RFESD: variants seen among roughly 807,000 people sequenced by gnomAD.
The protein encoded by RFESD is Rieske Fe-S domain containing, also known as Rieske domain-containing protein.
Under a neutral mutation model 24.4 loss-of-function variants are expected in RFESD, and 16 were observed. The ratio of observed to expected loss-of-function variants is 0.66; its 90% CI spans 0.44 to 1.00. The LOEUF is 1.00. Among genes scored for constraint, RFESD ranks in the 50% least tolerant of loss-of-function variants. RFESD has a pLI of 0.00. For synonymous variants in RFESD, 59 were observed against 81.8 expected (o/e 0.72, Z 1.50); for missense variants, 208 against 247.0 (o/e 0.84, Z 1.06).
intron 3 of RFESD, 88 bp from the exon 4 acceptor site, chr5:95,653,973 G>T: frequency 9.5e-7 from 1 of 1,049,688 alleles, no homozygotes; most frequent in Non-Finnish European, 1.4e-6. Flanking sequence ...TGAAAAGTCC[G>T]AACTATTCAT....
chr5:95,655,308 G>A (rs1750678317), intron 5 of RFESD: 2 of 152,122 alleles, frequency 1.3e-5, no homozygotes, highest in Non-Finnish European at 2.9e-5. Flanking sequence ...GATATAGAGG[G>A]GAAAATGAAA....
chr5:95,654,195 A>G lies in RFESD; in HGVS notation c.293A>G (p.Tyr98Cys). Residue 98 changes from tyrosine to cysteine, a missense_variant, in exon 4 of 6, where the codon TAC becomes TGC. Physicochemically the swap from Tyr to Cys is radical, Grantham distance 194. Transcript: ENST00000380005. ...VVHDREVVIF[Y>C]HKGEYHAMDI... is the part of the protein sequence containing the mutation. ...CATGATAGAGAAGTGGTCATTTTCT[A>G]CCACAAGGGAGAATATCATGCTATG... The G allele has an allele frequency of 6.2e-7, 1 of 1,613,118 alleles. No homozygotes were observed. Among genetic ancestry groups the G allele is most frequent in the East Asian group, 2.2e-5 (1 of 44,810 alleles).
At chr5:95,654,715 A>G (rs1314206528) in intron 5 of RFESD, among the ~76,000 whole-genome samples, 1 of 152,228 alleles carries the variant, frequency 6.6e-6, no homozygotes, top group Non-Finnish European at 1.5e-5. Flanking sequence ...CCATGCAATC[A>G]TTAAATTAAT....
rs1344897828 is a variant in RFESD at position 95,657,359 on chromosome 5, C to T, written c.*1050C>T. 2 of 151,650 alleles carry T rather than the reference C, an allele frequency of 1.3e-5. No individual in the cohort carries two copies. The highest frequency in any genetic ancestry group is 4.8e-5 in the African/African-American group (2 of 41,302). The allele number at this position is 151,650 out of a possible 1,614,324, so 9.4% of individuals were successfully genotyped here. ...GTATTTAAAATAACACCCCAAGCAC[C>T]CACCATGCAAAAATCAGCAGCACAT... is the stretch of plus-strand genomic sequence containing the variant. On this transcript the variant is annotated 3_prime_UTR_variant, in exon 6 of 6. Coordinates refer to ENST00000380005, the MANE Select transcript of RFESD (RefSeq NM_001131066.2).
Position 95,656,028 on chromosome 5 carries a change from A to T in RFESD, c.370-18A>T. 6.2e-7 allele frequency: 1 copy of T among 1,608,202 alleles called. No individual in the cohort carries two copies. Among genetic ancestry groups the T allele is most frequent in the Non-Finnish European group, 8.5e-7 (1 of 1,176,388 alleles). On this transcript the variant is annotated intron_variant, in intron 5 of 5. Transcript: ENST00000380005. Reference sequence around the variant, plus strand: ...ATTTGACATGTCAGAATATTAAATGAGTTATTCTCTTCCCCAGGATTTTGA... The same window carrying T: ...ATTTGACATGTCAGAATATTAAATGTGTTATTCTCTTCCCCAGGATTTTGA...
rs1038801680 is a variant in RFESD, at chr5:95,650,670, G to A, written c.-135-1467G>A. On this transcript the variant is annotated intron_variant, in intron 1 of 5. Transcript: ENST00000380005. ...AATAAATATTTAGAGAAGCCATCAG[G>A]AAAATTATCTGCAGAAGTCCTAAAG... is the stretch of plus-strand genomic sequence containing the variant. Among the ~76,000 whole-genome samples, 27 of 152,154 alleles carry A rather than the reference G, an allele frequency of 1.8e-4. 1 individual carries two copies. The highest frequency in any genetic ancestry group is 2.6e-4 in the Admixed American group (4 of 15,276).
At chr5:95,654,679 T>C (rs546576947) in intron 5 of RFESD, among the ~76,000 whole-genome samples, 1 of 152,310 alleles carries the variant, frequency 6.6e-6, no homozygotes, top group African/African-American at 2.4e-5. Context: ...TAAATTATGA[T>C]ACAGCCATGC....
Position 95,657,919 on chromosome 5 carries a change from A to G in RFESD, c.*1610A>G, listed in dbSNP as rs1480309868. ...AATATAAAGTGTACAGAAGAAATCA[A>G]AGTACTTTCTTCAGGCAAAAACTAG... On this transcript the variant is annotated 3_prime_UTR_variant, in exon 6 of 6. Transcript: ENST00000380005. 1.4e-5 allele frequency: 2 copies of G among 141,924 alleles called. No homozygotes were observed. Among genetic ancestry groups the G allele is most frequent in the East Asian group, 4.0e-4 (2 of 4,980 alleles). 8.8% of individuals were successfully genotyped at this position (141,924 alleles called of 1,614,324 possible). A position where few individuals can be genotyped will look rare whatever the true frequency, so the allele number is the denominator to read the frequency against.
chr5:95,654,031 T>C (rs768198574), intron 3 of RFESD, 30 bp from the exon 4 acceptor site: 4 of 1,593,356 alleles, frequency 2.5e-6, no homozygotes, highest in Admixed American at 1.7e-5. Flanking sequence ...TGAATACTTC[T>C]TGTAACTTTC....
At chr5:95,648,648 A>T (rs772661991) in intron 1 of RFESD, among the ~76,000 whole-genome samples, 1 of 152,166 alleles carries the variant, frequency 6.6e-6, no homozygotes, top group South Asian at 2.1e-4. Flanking sequence ...CACAGCCATA[A>T]TCATAGTTCT....
At chr5:95,650,955 G>A (rs547711238) in intron 1 of RFESD, among the ~76,000 whole-genome samples, 2 of 152,120 alleles carry the variant, frequency 1.3e-5, no homozygotes, top group South Asian at 2.1e-4. Context: ...AAAATTATCC[G>A]GGTGTGGTGG....
At chr5:95,650,874 G>A (rs1368627122) in intron 1 of RFESD, among the ~76,000 whole-genome samples, 4 of 152,094 alleles carry the variant, frequency 2.6e-5, no homozygotes, top group South Asian at 2.1e-4. Flanking sequence ...CGAGGCGGGC[G>A]GATCATGAGG....
At chr5:95,647,849 A>T (rs1194590982) in intron 1 of RFESD, 1 of 152,110 alleles carries the variant, frequency 6.6e-6, no homozygotes, top group Non-Finnish European at 1.5e-5. Context: ...CTAATGAACT[A>T]TTATATTCAA....
intron 5 of RFESD, 103 bp downstream of exon 5, chr5:95,654,470 C>T (rs150550): frequency 0.39 from 301,420 of 778,990 alleles, 60,361 homozygotes; most frequent in African/African-American, 0.56. Context: ...GAATATAATT[C>T]CAAGTATTCT....
intron 2 of RFESD, chr5:95,652,859 C>T (rs547918135): frequency 2.3e-6 from 1 of 430,500 alleles, no homozygotes; most frequent in Admixed American, 4.2e-5. Flanking sequence ...TTTCTGATTT[C>T]TGGGCATCCA....
At chr5:95,653,026 T>C (rs1175916452) in intron 2 of RFESD, 91 bp from the exon 3 acceptor site, 5 of 1,514,022 alleles carry the variant, frequency 3.3e-6, no homozygotes, top group Non-Finnish European at 4.4e-6. Context: ...CCTGCCTGTT[T>C]ACCAATCTTG....
rs1750844503 is a variant in RFESD at position 95,657,680 on chromosome 5, C to A, written c.*1371C>A. 1 of 152,130 alleles carries A rather than the reference C, an allele frequency of 6.6e-6. No individual in the cohort carries two copies. Among genetic ancestry groups the A allele is most frequent in the South Asian group, 2.1e-4 (1 of 4,822 alleles). The allele number at this position is 152,130 out of a possible 1,614,324, so 9.4% of individuals were successfully genotyped here. A position where few individuals can be genotyped will look rare whatever the true frequency, so the allele number is the denominator to read the frequency against. On this transcript the variant is annotated 3_prime_UTR_variant, in exon 6 of 6. Coordinates refer to ENST00000380005, the MANE Select transcript of RFESD (RefSeq NM_001131066.2). ...ACCTTTACTACATATTATTACACTT[C>A]CTTTTCTGTTGGAGTTTGGATAGCA...
At chr5:95,650,700 T>C (rs1477292716) in intron 1 of RFESD, among the ~76,000 whole-genome samples, 2 of 152,232 alleles carry the variant, frequency 1.3e-5, no homozygotes, top group Admixed American at 1.3e-4. Context: ...CTAAAGTCAC[T>C]TGGCACTTCC....
chr5:95,655,825 G>A (rs1444422021), intron 5 of RFESD: 2 of 487,294 alleles, frequency 4.1e-6, no homozygotes, highest in African/African-American at 3.9e-5. Flanking sequence ...GAGCATGTCA[G>A]TCTTCTGATA....
Sources: allele counts gnomAD v4.1 joint callset (sites outside exome capture counted in the v4.1 genomes callset), GRCh38; gene constraint gnomAD v4.1.1; transcripts MANE v1.5; gene names NCBI Gene and HGNC (gene_info 2026-07-23, HGNC 2026-07-21).